The following HMCN2 variants were observed in gnomAD, a reference collection of about 807,000 sequenced individuals.
HMCN2 encodes hemicentin 2.
In HMCN2, 325 loss-of-function variants were observed where a neutral mutation model predicts 377.5. The observed-to-expected ratio is 0.86, with a 90% CI of 0.79 to 0.94. The LOEUF (loss-of-function observed/expected upper bound fraction) is 0.94, where lower values mean the gene tolerates loss of function less well. Among genes scored for constraint, HMCN2 ranks in the 40% least tolerant of loss-of-function variants. The pLI, the probability that HMCN2 is intolerant of heterozygous loss-of-function variation, is 0.00. For synonymous variants in HMCN2, 2,007 were observed against 2,046.8 expected, an observed-to-expected ratio of 0.98 and a Z score of 0.53; for missense variants, 4,543 against 4,725.3, an observed-to-expected ratio of 0.96 and a Z score of 1.13.
intron 15 of HMCN2, among the ~76,000 whole-genome samples, chr9:130,316,007 G>C (rs955964233): frequency 1.3e-5 from 2 of 152,180 alleles, no homozygotes; most frequent in Non-Finnish European, 2.9e-5. Context: ...AGTTCAGCCC[G>C]TAGCAGACAG....
intron 6 of HMCN2, 127 bp downstream of exon 6, chr9:130,295,899 G>T: frequency 2.6e-6 from 1 of 386,700 alleles, no homozygotes; most frequent in Non-Finnish European, 5.3e-6. Flanking sequence ...TGGTGATGTG[G>T]TCGTATCAAT....
At position 130,347,826 on chromosome 9, in the gene HMCN2, GGAGA is replaced by G. The variant is rs1324678745; in HGVS notation, c.4024+473_4024+476del. 1.3e-5 allele frequency among the ~76,000 whole-genome samples: 2 copies of G among 152,244 alleles called. No individual in the cohort carries two copies. Among genetic ancestry groups the G allele is most frequent in the East Asian group, 3.9e-4 (2 of 5,190 alleles). On this transcript the variant is annotated intron_variant, in intron 26 of 97. Coordinates refer to ENST00000683500, the MANE Select transcript of HMCN2 (RefSeq NM_001291815.2). This position sits in a 1 kb window ranked among gnomAD's most constrained non-coding sequence, Gnocchi z 5.1. ...AGCCCAGGAGATCGAGACCAGTTTG[GGAGA>G]GAGAGACCCTGTCTCTACATAAAAT...
intron 96 of HMCN2, 124 bp downstream of exon 96, chr9:130,431,610 G>A: frequency 7.2e-7 from 1 of 1,386,456 alleles, no homozygotes; most frequent in Non-Finnish European, 9.6e-7. Context: ...CTGTGAGGTG[G>A]GGCGGGGAGG....
chr9:130,326,241 C>T (rs1159930132), intron 21 of HMCN2, among the ~76,000 whole-genome samples: 4 of 152,208 alleles, frequency 2.6e-5, no homozygotes, highest in Admixed American at 1.3e-4. Flanking sequence ...GAATGCTGTT[C>T]CCCCACCTCT....
intron 78 of HMCN2, 59 bp from the exon 79 acceptor site, chr9:130,403,135 G>A: frequency 8.0e-7 from 1 of 1,253,850 alleles, no homozygotes; most frequent in Non-Finnish European, 1.0e-6. Context: ...GAGGCCCGCT[G>A]GTTGGAGGAG....
intron 4 of HMCN2, among the ~76,000 whole-genome samples, chr9:130,287,241 C>G (rs373969681): frequency 2.0e-5 from 3 of 152,092 alleles, no homozygotes; most frequent in Non-Finnish European, 2.9e-5. Context: ...GACCCCTCTG[C>G]CTTTCTGGTC....
chr9:130,432,346 G>T lies in HMCN2; in HGVS notation c.14768-83G>T, dbSNP rs113298979. On this transcript the variant is annotated intron_variant, in intron 96 of 97. Coordinates refer to ENST00000683500, the MANE Select transcript of HMCN2 (RefSeq NM_001291815.2). ...TGCCCACCTCACTGGTCCCCCAAAG[G>T]TACTTCTCCCCACGCACTCCCCCCT... The T allele has an allele frequency of 8.7e-4, 1,155 of 1,326,610 alleles. 11 individuals carry two copies. In the African/African-American group the frequency reaches 0.015, roughly 17 times the overall value. 82.2% of individuals were successfully genotyped at this position (1,326,610 alleles called of 1,614,324 possible). A position where few individuals can be genotyped will look rare whatever the true frequency, so the allele number is the denominator to read the frequency against.
At position 130,404,925 on chromosome 9, in the gene HMCN2, G is replaced by A. The variant is rs987621683; in HGVS notation, c.12205G>A (p.Ala4069Thr). 6.2e-6 allele frequency: 8 copies of A among 1,287,836 alleles called. No individual in the cohort carries two copies. Among genetic ancestry groups the A allele is most frequent in the African/African-American group, 1.5e-5 (1 of 65,826 alleles). The allele number at this position is 1,287,836 out of a possible 1,614,324, so 79.8% of individuals were successfully genotyped here. Residue 4069 changes from alanine (A) to threonine (T), a missense_variant, in exon 81 of 98, where the codon GCC becomes ACC. Physicochemically the swap from Ala to Thr is moderately conservative, Grantham distance 58. Coordinates refer to ENST00000683500, the MANE Select transcript of HMCN2 (RefSeq NM_001291815.2). ...PDLSTTEGSH[A>T]FLPCKARGSP... is the part of the protein sequence containing the mutation. ...CCTGTCCACCACCGAAGGCTCCCAC[G>A]CCTTCTTGCCTTGCAAGGCGAGGGG...
intron 1 of HMCN2, among the ~76,000 whole-genome samples, chr9:130,270,229 T>C (rs1362151443): frequency 7.2e-5 from 1 of 13,914 alleles, no homozygotes; most frequent in African/African-American, 9.1e-4. Flanking sequence ...AAATCTATTG[T>C]TTTTTTTCTT....
intron 1 of HMCN2, among the ~76,000 whole-genome samples, chr9:130,266,994 G>A (rs1427886851): frequency 2.0e-5 from 3 of 151,904 alleles, no homozygotes; most frequent in African/African-American, 7.3e-5. Flanking sequence ...CACCCAGGCT[G>A]GAGTGCAGTG....
At chr9:130,270,613 A>T (rs1588148434) in intron 1 of HMCN2, among the ~76,000 whole-genome samples, 1 of 148,994 alleles carries the variant, frequency 6.7e-6, no homozygotes, top group East Asian at 1.9e-4. Context: ...AATCTCAATA[A>T]AGTGTGGACT....
At chr9:130,408,342 G>C (rs964063549) in intron 83 of HMCN2, among the ~76,000 whole-genome samples, 1 of 152,156 alleles carries the variant, frequency 6.6e-6, no homozygotes, top group South Asian at 2.1e-4. Flanking sequence ...AGGTGTCTAG[G>C]GTTCTTGTTT....
intron 36 of HMCN2, among the ~76,000 whole-genome samples, chr9:130,359,095 G>GGCTGGGT (rs1317750134): frequency 1.0e-3 from 153 of 152,162 alleles, no homozygotes; most frequent in Non-Finnish European, 1.2e-3. Context: ...CTGGGGTGGG[G>GGCTGGGT]GCTGGGTGCT....
chr9:130,353,213 G>T lies in HMCN2; in HGVS notation c.4864+8G>T. The T allele has an allele frequency of 7.7e-7, 1 of 1,302,258 alleles. No individual in the cohort carries two copies. The highest frequency in any genetic ancestry group is 1.0e-6 in the Non-Finnish European group (1 of 988,216). The allele number at this position is 1,302,258 out of a possible 1,614,324, so 80.7% of individuals were successfully genotyped here. On this transcript the variant is annotated splice_region_variant and intron_variant, in intron 31 of 97. Transcript: ENST00000683500. ...CCAGGCTGGATGTTTATGGTGAGCAGCCAGGGGCCACGGCAGCCGGGGTGG... is the reference window on the plus strand; with the variant it reads ...CCAGGCTGGATGTTTATGGTGAGCATCCAGGGGCCACGGCAGCCGGGGTGG...
intron 4 of HMCN2, among the ~76,000 whole-genome samples, chr9:130,290,086 G>A (rs80186779): frequency 6.6e-6 from 1 of 152,210 alleles, no homozygotes; most frequent in East Asian, 1.9e-4. Flanking sequence ...GAGCCCCAGT[G>A]CATCGCAGGC....
At chr9:130,269,282 T>C (rs1834283775) in intron 1 of HMCN2, among the ~76,000 whole-genome samples, 1 of 146,470 alleles carries the variant, frequency 6.8e-6, no homozygotes, top group African/African-American at 2.4e-5. Context: ...TTTTTTTTTT[T>C]TTTTGAAATT....
intron 35 of HMCN2, 161 bp from the exon 36 acceptor site, chr9:130,358,229 C>T: frequency 1.6e-6 from 1 of 615,720 alleles, no homozygotes. Context: ...GGACGAATCC[C>T]TGGAATCCAA....
At chr9:130,406,342 G>A (rs1450294546) in intron 82 of HMCN2, 174 bp downstream of exon 82, 1 of 424,500 alleles carries the variant, frequency 2.4e-6, no homozygotes, top group African/African-American at 2.1e-5. Flanking sequence ...ACCCAGCTGT[G>A]GCCATATGTG....
In HMCN2 at chr9:130,396,080, C is replaced by CG; in HGVS notation, c.11053+15_11053+16insG. 8.4e-7 allele frequency: 1 copy of CG among 1,194,160 alleles called. No homozygotes were observed. Among genetic ancestry groups the CG allele is most frequent in the Non-Finnish European group, 1.1e-6 (1 of 915,566 alleles). The allele number at this position is 1,194,160 out of a possible 1,614,324, so 74.0% of individuals were successfully genotyped here. On this transcript the variant is annotated intron_variant, in intron 72 of 97. Coordinates refer to ENST00000683500, the MANE Select transcript of HMCN2 (RefSeq NM_001291815.2). ...GGAGATCCACAGTGAGTAGGGCCCG[C>CG]CCCACCCCACCCTGCCCACCTTACC...
Sources: allele counts gnomAD v4.1 joint callset (sites outside exome capture counted in the v4.1 genomes callset), GRCh38; gene constraint gnomAD v4.1.1; non-coding constraint Gnocchi (gnomAD v3.1); transcripts MANE v1.5; gene names NCBI Gene and HGNC (gene_info 2026-07-23, HGNC 2026-07-21).